Variants in SCN1A observed in about 807,000 individuals in gnomAD.
The protein encoded by SCN1A is sodium voltage-gated channel alpha subunit 1.
A neutral mutation model predicts 193.7 loss-of-function variants in SCN1A; 13 were observed. The observed-to-expected ratio is 0.07, with a 90% CI of 0.04 to 0.11. The LOEUF (loss-of-function observed/expected upper bound fraction) is 0.11, where lower values mean the gene tolerates loss of function less well. Ranked by LOEUF, SCN1A falls within the 10% of genes least tolerant of loss-of-function variation. SCN1A has a pLI of 1.00. For synonymous variants in SCN1A, 781 were observed against 843.6 expected, an observed-to-expected ratio of 0.93 and a Z score of 1.29; for missense variants, 1,432 against 2,451.1, an observed-to-expected ratio of 0.58 and a Z score of 8.78.
intron 11 of SCN1A, 57 bp downstream of exon 11, chr2:166,047,570 A>T: frequency 1.9e-6 from 3 of 1,582,098 alleles, no homozygotes; most frequent in Non-Finnish European, 2.6e-6. Context: ...TTCATAACTC[A>T]ATTGGTTTTC....
intron 21 of SCN1A, 84 bp from the exon 22 acceptor site, chr2:166,012,366 G>A: frequency 9.2e-7 from 1 of 1,092,156 alleles, no homozygotes; most frequent in Non-Finnish European, 1.3e-6. Context: ...ATATGCATAT[G>A]ACATTTCATT....
At chr2:166,086,700 C>T (rs562509641) in intron 2 of SCN1A, among the ~76,000 whole-genome samples, 1 of 152,276 alleles carries the variant, frequency 6.6e-6, no homozygotes, top group Non-Finnish European at 1.5e-5. Flanking sequence ...ATTTATGAAC[C>T]TCATCATTCT....
chr2:166,108,055 A>G (rs956252652), intron 2 of SCN1A, among the ~76,000 whole-genome samples: 1 of 152,084 alleles, frequency 6.6e-6, no homozygotes, highest in Non-Finnish European at 1.5e-5. Context: ...CTGATAAGCG[A>G]TTGTATCTGG....
At chr2:166,051,577 T>A (rs1054797935) in intron 9 of SCN1A, 142 bp downstream of exon 9, 16 of 592,406 alleles carry the variant, frequency 2.7e-5, no homozygotes, top group African/African-American at 2.4e-4. Context: ...ATGGGGTACA[T>A]GAGATGTTTT....
chr2:166,006,043 C>A (rs986546231), intron 23 of SCN1A, among the ~76,000 whole-genome samples: 1 of 151,208 alleles, frequency 6.6e-6, no homozygotes, highest in Non-Finnish European at 1.5e-5. Flanking sequence ...ATTAAATATG[C>A]AAATTCACAT....
chr2:165,994,008 A>G, intron 28 of SCN1A, 138 bp downstream of exon 28: 1 of 748,590 alleles, frequency 1.3e-6, no homozygotes, highest in Non-Finnish European at 2.2e-6. Flanking sequence ...TGTTAAAAAA[A>G]CAAACACACT....
At position 165,990,991 on chromosome 2, in the gene SCN1A, T is replaced by C. The variant is rs991652065; in HGVS notation, c.*254A>G. 1 of 473,496 alleles carries C rather than the reference T, an allele frequency of 2.1e-6. No homozygotes were observed. Among genetic ancestry groups the C allele is most frequent in the Non-Finnish European group, 3.8e-6 (1 of 264,344 alleles). The allele number at this position is 473,496 out of a possible 1,614,324, so 29.3% of individuals were successfully genotyped here. ...CTGGTCCCTACAGTCTGACTAGCCA[T>C]TGTGCATCTTATCTTCAGCAGTGTC... is the stretch of plus-strand genomic sequence containing the variant. On this transcript the variant is annotated 3_prime_UTR_variant, in exon 29 of 29. Transcript: ENST00000674923.
intron 25 of SCN1A, 149 bp from the exon 26 acceptor site, chr2:165,998,324 C>A (rs1573985711): frequency 1.7e-6 from 1 of 602,210 alleles, no homozygotes; most frequent in Non-Finnish European, 2.9e-6. Context: ...TAAAAAACAT[C>A]CCTGAAATTG....
intron 1 of SCN1A, among the ~76,000 whole-genome samples, chr2:166,147,092 G>GA (rs1362090434): frequency 1.2e-4 from 6 of 50,498 alleles, no homozygotes; most frequent in African/African-American, 1.1e-3. Context: ...CATCCCTAGA[G>GA]CTTCTGACTC....
chr2:166,060,375 T>A (rs1683169562), intron 4 of SCN1A: 1 of 152,130 alleles, frequency 6.6e-6, no homozygotes, highest in Non-Finnish European at 1.5e-5. Context: ...AATGACATTG[T>A]GAGATCATCG....
At chr2:165,993,783 AT>A (rs1463760850) in intron 28 of SCN1A, 14 of 281,952 alleles carry the variant, frequency 5.0e-5, no homozygotes, top group African/African-American at 2.8e-4. Flanking sequence ...CTCTAAAGCA[AT>A]TTTCGTGAGT....
At position 166,041,471 on chromosome 2, in the gene SCN1A, T is replaced by TA; in HGVS notation, c.2177-3dup. On this transcript the variant is annotated splice_polypyrimidine_tract_variant and splice_region_variant and intron_variant, in intron 15 of 28. Transcript: ENST00000674923. ...ATTTCTGCCTGGATTCTTCAAGTTC[T>TA]AGATTAAGAAAAAAAAAAAAAAGAA... 2 of 1,480,360 alleles carry TA rather than the reference T, an allele frequency of 1.4e-6. No homozygotes were observed. The highest frequency in any genetic ancestry group is 2.0e-5 in the Admixed American group (1 of 48,834). The allele number at this position is 1,480,360 out of a possible 1,614,324, so 91.7% of individuals were successfully genotyped here. A position where few individuals can be genotyped will look rare whatever the true frequency, so the allele number is the denominator to read the frequency against.
chr2:166,126,901 G>A (rs947969072), intron 2 of SCN1A, 23 bp downstream of exon 2: 1 of 152,224 alleles, frequency 6.6e-6, no homozygotes, highest in African/African-American at 2.4e-5. Context: ...TGCAGCAAGT[G>A]GGTCGGGTCT....
chr2:166,025,550 G>A (rs1694649394), intron 19 of SCN1A, among the ~76,000 whole-genome samples: 1 of 152,118 alleles, frequency 6.6e-6, no homozygotes, highest in Admixed American at 6.5e-5. Context: ...TAAATGTAAT[G>A]TAATTAAAGG....
At chr2:166,144,966 C>T (rs1692249019) in intron 1 of SCN1A, among the ~76,000 whole-genome samples, 1 of 151,428 alleles carries the variant, frequency 6.6e-6, no homozygotes, top group Non-Finnish European at 1.5e-5. Flanking sequence ...ATTCTCCTGC[C>T]TCTGCCTTCT....
upstream of SCN1A, among the ~76,000 whole-genome samples, chr2:166,129,480 G>A (rs1384565435): frequency 6.6e-6 from 1 of 152,156 alleles, no homozygotes; most frequent in East Asian, 1.9e-4. Flanking sequence ...ACTCTATCCA[G>A]TGCTTTCCCA....
At position 166,042,283 on chromosome 2, in the gene SCN1A, G is replaced by T. The variant is rs1321220596; in HGVS notation, c.2176+9C>A. 2 of 1,610,964 alleles carry T rather than the reference G, an allele frequency of 1.2e-6. No homozygotes were observed. The highest frequency in any genetic ancestry group is 2.7e-5 in the African/African-American group (2 of 74,904). On this transcript the variant is annotated intron_variant, in intron 15 of 28. Coordinates refer to ENST00000674923, the MANE Select transcript of SCN1A (RefSeq NM_001165963.4). ...AATAATTGAAACGAAAATAGAATTT[G>T]TTACCAACCTTCTACTGTATTTGTT...
chr2:166,141,721 T>C (rs1692093113), intron 1 of SCN1A, among the ~76,000 whole-genome samples: 2 of 141,794 alleles, frequency 1.4e-5, no homozygotes, highest in African/African-American at 5.2e-5. Flanking sequence ...TTTCTTTCTT[T>C]CTTCCTTTTC....
intron 17 of SCN1A, among the ~76,000 whole-genome samples, chr2:166,038,486 A>T (rs1031525065): frequency 1.3e-5 from 2 of 151,892 alleles, no homozygotes; most frequent in African/African-American, 4.8e-5. Context: ...GACTACAGGC[A>T]CGTGCCACCA....
Sources: allele counts gnomAD v4.1 joint callset (sites outside exome capture counted in the v4.1 genomes callset), GRCh38; gene constraint gnomAD v4.1.1; transcripts MANE v1.5; gene names NCBI Gene and HGNC (gene_info 2026-07-23, HGNC 2026-07-21).